Variants in SLC25A40 observed in about 807,000 individuals in gnomAD.
SLC25A40 encodes solute carrier family 25 member 40, also known as mitochondrial glutathione transporter SLC25A40.
SLC25A40 carries 41 observed loss-of-function variants against 46.5 expected under a neutral mutation model. The observed-to-expected ratio is 0.88, with a 90% CI of 0.69 to 1.14. SLC25A40 has a LOEUF of 1.14. Ranked by LOEUF, SLC25A40 falls within the 50% of genes most tolerant of loss-of-function variation. The pLI is 0.00. For synonymous variants in SLC25A40, 126 were observed against 127.5 expected (o/e 0.99, Z 0.08); for missense variants, 386 against 393.6 (o/e 0.98, Z 0.16).
chr7:87,865,781 A>G (rs975867041), intron 1 of SLC25A40, among the ~76,000 whole-genome samples: 1 of 151,874 alleles, frequency 6.6e-6, no homozygotes, highest in Non-Finnish European at 1.5e-5. Context: ...CGGGGGGAAA[A>G]AAAAAGAATA....
intron 1 of SLC25A40, among the ~76,000 whole-genome samples, chr7:87,865,943 T>A (rs757151162): frequency 6.6e-6 from 1 of 151,902 alleles, no homozygotes; most frequent in Non-Finnish European, 1.5e-5. Context: ...ATTAGCCAGG[T>A]GTGGTGGCAC....
At chr7:87,842,848 T>C (rs1838355855) in intron 9 of SLC25A40, among the ~76,000 whole-genome samples, 1 of 152,102 alleles carries the variant, frequency 6.6e-6, no homozygotes, top group South Asian at 2.1e-4. Flanking sequence ...TAGAGGACTT[T>C]CCTTCATATT....
chr7:87,856,241 G>C (rs1472438673), intron 4 of SLC25A40, 51 bp downstream of exon 4: 1 of 1,402,888 alleles, frequency 7.1e-7, no homozygotes, highest in African/African-American at 1.5e-5. Flanking sequence ...AAAAACCACA[G>C]GAACATTTAA....
intron 9 of SLC25A40, among the ~76,000 whole-genome samples, chr7:87,843,541 AAT>A (rs1484999599): frequency 8.5e-5 from 13 of 152,100 alleles, no homozygotes; most frequent in South Asian, 2.1e-4. Flanking sequence ...TTCTCAGAAA[AAT>A]ATGTTTTTGT....
chr7:87,867,923 A>T (rs1490817105), intron 1 of SLC25A40, among the ~76,000 whole-genome samples: 1 of 152,218 alleles, frequency 6.6e-6, no homozygotes, highest in Non-Finnish European at 1.5e-5. Context: ...ATGGTTAGGC[A>T]TTTCTGCCTA....
intron 1 of SLC25A40, among the ~76,000 whole-genome samples, chr7:87,867,189 T>C (rs2131021322): frequency 6.6e-6 from 1 of 152,360 alleles, no homozygotes; most frequent in Non-Finnish European, 1.5e-5. Flanking sequence ...TATTATTTCT[T>C]TGAATAAGTT....
Position 87,836,791 on chromosome 7 carries a change from C to A in SLC25A40, c.843G>T (p.Met281Ile). Residue 281 changes from methionine (M) to isoleucine (I), a missense_variant, in exon 11 of 12, where the codon ATG becomes ATT. Coordinates refer to ENST00000341119, the MANE Select transcript of SLC25A40 (RefSeq NM_018843.4). ...TGTTCTTCATTATAATCCAGGTTGA[C>A]ATATGCAAAGGCATAGAAACTAAAT... is the stretch of plus-strand genomic sequence containing the variant. ...ESHKISMPLH[M>I]STWIIMKNIV... The A allele has an allele frequency of 6.6e-7, 1 of 1,519,532 alleles. No homozygotes were observed. The highest frequency in any genetic ancestry group is 8.8e-7 in the Non-Finnish European group (1 of 1,139,658). The allele number at this position is 1,519,532 out of a possible 1,614,324, so 94.1% of individuals were successfully genotyped here. A position where few individuals can be genotyped will look rare whatever the true frequency, so the allele number is the denominator to read the frequency against.
At chr7:87,857,569 A>G (rs28642834) in intron 3 of SLC25A40, among the ~76,000 whole-genome samples, 15,721 of 152,192 alleles carry the variant, frequency 0.1, 1,037 homozygotes, top group African/African-American at 0.19. Context: ...AGCCGCAGCA[A>G]AGGAACATAA....
intron 1 of SLC25A40, among the ~76,000 whole-genome samples, chr7:87,865,401 A>G (rs983206512): frequency 6.6e-6 from 1 of 152,196 alleles, no homozygotes; most frequent in Admixed American, 6.5e-5. Context: ...TAGCTATCAC[A>G]GTTTTTAACA....
intron 1 of SLC25A40, among the ~76,000 whole-genome samples, chr7:87,868,634 T>C (rs1433153836): frequency 2.0e-5 from 3 of 152,146 alleles, no homozygotes; most frequent in Non-Finnish European, 4.4e-5. Flanking sequence ...TTATAAATGA[T>C]ATCGCAAAGG....
chr7:87,867,737 T>C (rs1409926771), intron 1 of SLC25A40, among the ~76,000 whole-genome samples: 1 of 152,238 alleles, frequency 6.6e-6, no homozygotes, highest in Admixed American at 6.5e-5. Flanking sequence ...CATGTTTGCT[T>C]AGACACTCTT....
At chr7:87,845,883 C>T (rs1838409144) in intron 8 of SLC25A40, among the ~76,000 whole-genome samples, 1 of 152,076 alleles carries the variant, frequency 6.6e-6, no homozygotes, top group African/African-American at 2.4e-5. Context: ...AAATCTCTTA[C>T]ATTGCTGGTA....
Position 87,863,794 on chromosome 7 carries a change from C to G in SLC25A40, c.-93-3154G>C, listed in dbSNP as rs181794451. ...AGTATGCTTACTCAACGATCAAACA[C>G]TAGGTCTTATTTCTTCTAACTGAAA... On this transcript the variant is annotated intron_variant, in intron 1 of 11. Coordinates refer to ENST00000341119, the MANE Select transcript of SLC25A40 (RefSeq NM_018843.4). 5.7e-3 allele frequency among the ~76,000 whole-genome samples: 875 copies of G among 152,186 alleles called. 41 individuals are homozygous for G. The highest frequency in any genetic ancestry group is 0.055 in the Admixed American group (838 of 15,282).
In SLC25A40 at chr7:87,854,130, G is replaced by A; in HGVS notation, c.264+74C>T. ...GTTTAATATGATTCTTAACCCTCTT[G>A]CAATTAGAAAATATTTCACATATAA... is the stretch of plus-strand genomic sequence containing the variant. On this transcript the variant is annotated intron_variant, in intron 5 of 11. Transcript: ENST00000341119. 1.6e-5 allele frequency: 16 copies of A among 1,009,324 alleles called. No homozygotes were observed. In the South Asian group the frequency reaches 2.0e-4, roughly 13 times the overall value. The allele number at this position is 1,009,324 out of a possible 1,614,324, so 62.5% of individuals were successfully genotyped here.
At chr7:87,854,809 CAAAAAAAAAA>C (rs1193322764) in intron 4 of SLC25A40, among the ~76,000 whole-genome samples, 1 of 53,580 alleles carries the variant, frequency 1.9e-5, no homozygotes, top group Non-Finnish European at 3.7e-5. Flanking sequence ...AAGACTGTCT[CAAAAAAAAAA>C]AAAAAAAAAA....
intron 5 of SLC25A40, among the ~76,000 whole-genome samples, chr7:87,852,538 C>T (rs78983622): frequency 0.013 from 1,949 of 152,118 alleles, 43 homozygotes; most frequent in African/African-American, 0.044. Context: ...CACTGCACTC[C>T]AGCCTAGGTG....
rs2130990877 is a variant in SLC25A40 at position 87,833,591 on chromosome 7, T to TAA, written c.*2656_*2657dup. 1 of 152,140 alleles carries TAA rather than the reference T, an allele frequency of 6.6e-6. No individual in the cohort carries two copies. Among genetic ancestry groups the TAA allele is most frequent in the South Asian group, 2.1e-4 (1 of 4,828 alleles). 9.4% of individuals were successfully genotyped at this position (152,140 alleles called of 1,614,324 possible). A position where few individuals can be genotyped will look rare whatever the true frequency, so the allele number is the denominator to read the frequency against. On this transcript the variant is annotated 3_prime_UTR_variant, in exon 12 of 12. Coordinates refer to ENST00000341119, the MANE Select transcript of SLC25A40 (RefSeq NM_018843.4). ...TATAAAAGCAGTAATATCTTTTATT[T>TAA]AAAAAGTTCATCTTAGAAGAAAATT...
At chr7:87,838,067 TA>T (rs1195569150) in intron 10 of SLC25A40, among the ~76,000 whole-genome samples, 2 of 151,488 alleles carry the variant, frequency 1.3e-5, no homozygotes, top group African/African-American at 4.8e-5. Flanking sequence ...TGACTATGAA[TA>T]AATGAAGACT....
chr7:87,843,988 C>A, intron 8 of SLC25A40, 125 bp from the exon 9 acceptor site: 1 of 1,337,802 alleles, frequency 7.5e-7, no homozygotes, highest in Non-Finnish European at 9.5e-7. Flanking sequence ...TTGCTTTCTA[C>A]TTAGACACCC....
Sources: allele counts gnomAD v4.1 joint callset (sites outside exome capture counted in the v4.1 genomes callset), GRCh38; gene constraint gnomAD v4.1.1; transcripts MANE v1.5; gene names NCBI Gene and HGNC (gene_info 2026-07-23, HGNC 2026-07-21).